The following XNDC1N variants were observed in gnomAD, a reference collection of about 807,000 sequenced individuals.
The protein encoded by XNDC1N is protein XNDC1N.
At chr11:71,867,024 C>G in the XNDC1N span, among the ~76,000 whole-genome samples, 25 of 152,128 alleles carry the variant, frequency 1.6e-4, no homozygotes, top group Middle Eastern at 3.4e-3. Context: ...ATTTTTGCTG[C>G]TGTAAGAACC....
chr11:71,871,170 T>C, the XNDC1N span, among the ~76,000 whole-genome samples: 1 of 152,206 alleles, frequency 6.6e-6, no homozygotes, highest in Non-Finnish European at 1.5e-5. Context: ...AAATATAGTA[T>C]ATATACACAG....
At chr11:71,907,194 C>T in the XNDC1N span, among the ~76,000 whole-genome samples, 8 of 152,098 alleles carry the variant, frequency 5.3e-5, no homozygotes, top group Admixed American at 2.0e-4. Context: ...GTGTATACCC[C>T]CGGGACTCAA....
the XNDC1N span, among the ~76,000 whole-genome samples, chr11:71,892,763 C>T: frequency 6.6e-6 from 1 of 152,034 alleles, no homozygotes. Flanking sequence ...TCAGGTGATC[C>T]ATCAGCCTCG....
chr11:71,894,603 G>A, the XNDC1N span, among the ~76,000 whole-genome samples: 1 of 152,172 alleles, frequency 6.6e-6, no homozygotes, highest in Non-Finnish European at 1.5e-5. Flanking sequence ...TTGTTTAGCA[G>A]AAACCTCATG....
chr11:71,873,023 C>T, the XNDC1N span, among the ~76,000 whole-genome samples: 461 of 152,142 alleles, frequency 3.0e-3, 3 homozygotes, highest in African/African-American at 0.01. Context: ...TTTCCTAAGA[C>T]TCAACTAATA....
the XNDC1N span, chr11:71,917,325 T>C: frequency 4.2e-5 from 27 of 640,402 alleles, no homozygotes; most frequent in Non-Finnish European, 6.7e-5. Context: ...CAAAAATATA[T>C]TAATCAATAA....
the XNDC1N span, among the ~76,000 whole-genome samples, chr11:71,896,892 G>T: frequency 6.6e-6 from 1 of 151,624 alleles, no homozygotes; most frequent in East Asian, 1.9e-4. Flanking sequence ...GTTGTCAGTT[G>T]TTGTTTGTTT....
the XNDC1N span, chr11:71,916,508 G>A: frequency 1.8e-3 from 790 of 446,920 alleles, 7 homozygotes; most frequent in Middle Eastern, 7.5e-3. Context: ...ACTATTCTCA[G>A]CATGAATTCT....
the XNDC1N span, among the ~76,000 whole-genome samples, chr11:71,892,677 G>A: frequency 1.3e-5 from 2 of 151,196 alleles, no homozygotes; most frequent in East Asian, 2.0e-4. Flanking sequence ...CACCATGCCC[G>A]GCTAATTTTT....
At chr11:71,892,936 T>C in the XNDC1N span, among the ~76,000 whole-genome samples, 29,965 of 151,960 alleles carry the variant, frequency 0.2, 5,344 homozygotes, top group African/African-American at 0.47. Flanking sequence ...TGAAAAGTAA[T>C]TGGCATGGGA....
chr11:71,871,174 T>C, the XNDC1N span, among the ~76,000 whole-genome samples: 5 of 152,198 alleles, frequency 3.3e-5, no homozygotes, highest in Non-Finnish European at 4.4e-5. Flanking sequence ...ATAGTATATA[T>C]ACACAGTAGA....
chr11:71,891,236 A>C, the XNDC1N span, among the ~76,000 whole-genome samples: 5 of 152,034 alleles, frequency 3.3e-5, no homozygotes, highest in Non-Finnish European at 4.4e-5. Context: ...ATTGGGAGTC[A>C]TATCATCCTC....
At chr11:71,911,136 C>T in the XNDC1N span, among the ~76,000 whole-genome samples, 15 of 152,230 alleles carry the variant, frequency 9.9e-5, no homozygotes, top group African/African-American at 3.1e-4. Context: ...AACTGCCCTG[C>T]AAGTACAAGA....
the XNDC1N span, among the ~76,000 whole-genome samples, chr11:71,872,597 G>A: frequency 6.6e-6 from 1 of 152,034 alleles, no homozygotes; most frequent in East Asian, 1.9e-4. Flanking sequence ...GCGTGGTGGC[G>A]GGCGCCTGTA....
At chr11:71,899,550 A>C in the XNDC1N span, among the ~76,000 whole-genome samples, 3 of 152,210 alleles carry the variant, frequency 2.0e-5, no homozygotes, top group Non-Finnish European at 4.4e-5. Flanking sequence ...GTGTTGTATG[A>C]AATCAAGGTT....
chr11:71,895,129 CT>C, the XNDC1N span, among the ~76,000 whole-genome samples: 1 of 129,592 alleles, frequency 7.7e-6, no homozygotes, highest in Non-Finnish European at 1.7e-5. Context: ...TTTTTTTTTT[CT>C]TTTAAAGCAC....
the XNDC1N span, among the ~76,000 whole-genome samples, chr11:71,902,575 T>C: frequency 1.3e-5 from 2 of 152,276 alleles, no homozygotes; most frequent in Non-Finnish European, 2.9e-5. Context: ...GACCCACCGA[T>C]TTGAGTAAGC....
At chr11:71,914,612 G>A in the XNDC1N span, among the ~76,000 whole-genome samples, 1 of 151,764 alleles carries the variant, frequency 6.6e-6, no homozygotes, top group African/African-American at 2.4e-5. Context: ...GCTTGAACCC[G>A]GGAGGCAGAG....
chr11:71,909,008 G>C, the XNDC1N span, among the ~76,000 whole-genome samples: 1 of 152,194 alleles, frequency 6.6e-6, no homozygotes, highest in Non-Finnish European at 1.5e-5. Flanking sequence ...AGGTCATTCA[G>C]GGTAAAGAAG....
Sources: allele counts gnomAD v4.1 joint callset (sites outside exome capture counted in the v4.1 genomes callset), GRCh38; gene constraint gnomAD v4.1.1; transcripts MANE v1.5; gene names NCBI Gene and HGNC (gene_info 2026-07-23, HGNC 2026-07-21).